Variants in WDR41 observed in about 807,000 individuals in gnomAD.
The protein encoded by WDR41 is WD repeat-containing protein 41.
In WDR41, 63 loss-of-function variants were observed where a neutral mutation model predicts 69.3. That is an observed-to-expected ratio of 0.91 (90% CI 0.74 to 1.12). WDR41 has a LOEUF of 1.12. Ranked by LOEUF, WDR41 falls within the 50% of genes most tolerant of loss-of-function variation. WDR41 has a pLI of 0.00. For synonymous variants in WDR41, 185 were observed against 192.1 expected (o/e 0.96, Z 0.31); for missense variants, 543 against 534.5 (o/e 1.02, Z -0.16).
intron 1 of WDR41, among the ~76,000 whole-genome samples, chr5:77,609,823 T>C (rs992052466): frequency 6.6e-6 from 1 of 151,968 alleles, no homozygotes; most frequent in Non-Finnish European, 1.5e-5. Flanking sequence ...CTTTGACGAG[T>C]TGAGAGAAGA....
intron 1 of WDR41, among the ~76,000 whole-genome samples, chr5:77,537,690 C>T (rs1263276080): frequency 1.3e-5 from 2 of 152,180 alleles, no homozygotes; most frequent in South Asian, 2.1e-4. Flanking sequence ...GTCATTTGAT[C>T]TCTCTAGGAA....
At chr5:77,474,204 A>G (rs897182880) in intron 2 of WDR41, among the ~76,000 whole-genome samples, 36 of 152,046 alleles carry the variant, frequency 2.4e-4, no homozygotes, top group Middle Eastern at 3.4e-3. Flanking sequence ...CAAACACCGC[A>G]TGTTCTCACT....
chr5:77,492,344 C>T, upstream of WDR41: 1 of 1,329,244 alleles, frequency 7.5e-7, no homozygotes, highest in Non-Finnish European at 1.0e-6. Context: ...CGCCCCAGAT[C>T]AGCCCACGGG....
At chr5:77,580,076 A>T (rs1284808375) in intron 1 of WDR41, among the ~76,000 whole-genome samples, 1 of 124,170 alleles carries the variant, frequency 8.1e-6, no homozygotes. Flanking sequence ...TAACATTGAT[A>T]GATAGATAGA....
At chr5:77,469,673 G>A (rs1362063858) in intron 2 of WDR41, among the ~76,000 whole-genome samples, 4 of 152,056 alleles carry the variant, frequency 2.6e-5, no homozygotes, top group African/African-American at 9.7e-5. Flanking sequence ...AAAATGCTAA[G>A]GGTATCAGTG....
intron 1 of WDR41, among the ~76,000 whole-genome samples, chr5:77,516,598 T>G (rs1449487739): frequency 6.6e-6 from 1 of 152,200 alleles, no homozygotes; most frequent in African/African-American, 2.4e-5. Flanking sequence ...GACTTTGGTT[T>G]TTCCATGTAG....
Position 77,438,300 on chromosome 5 carries a change from A to G in WDR41, c.944T>C (p.Ile315Thr), listed in dbSNP as rs777500236. ...GTCATGTGCAGTTTTCTGGCAGGCAATCACACGCTTCATTTGAAGGCTATA... is the reference window on the plus strand; with the variant it reads ...GTCATGTGCAGTTTTCTGGCAGGCAGTCACACGCTTCATTTGAAGGCTATA... ...YVYSLQMKRVIACQKTAHDSN... is the reference protein window; with the variant it reads ...YVYSLQMKRVTACQKTAHDSN... The change falls in exon 10 of 13, where the codon ATT becomes ACT. Residue 315 changes from isoleucine (I) to threonine (T), a missense_variant. Ile to Thr is a moderately conservative substitution (Grantham distance 89). Coordinates refer to ENST00000296679, the MANE Select transcript of WDR41 (RefSeq NM_018268.4). The G allele has an allele frequency of 5.6e-6, 9 of 1,613,978 alleles. No individual in the cohort carries two copies. The Admixed American group carries it at 1.0e-4, about 18-fold the overall frequency.
At chr5:77,533,174 G>A (rs1190584689) in intron 1 of WDR41, among the ~76,000 whole-genome samples, 3 of 152,058 alleles carry the variant, frequency 2.0e-5, no homozygotes, top group Admixed American at 6.6e-5. Flanking sequence ...ACCACCTGGC[G>A]GCCCCACTTC....
chr5:77,460,282 T>C (rs1799995745), intron 4 of WDR41, among the ~76,000 whole-genome samples: 2 of 152,222 alleles, frequency 1.3e-5, no homozygotes. Flanking sequence ...CTATATTCTA[T>C]GTCATGCTTT....
At chr5:77,547,951 C>T (rs1470684584) in intron 1 of WDR41, among the ~76,000 whole-genome samples, 2 of 152,086 alleles carry the variant, frequency 1.3e-5, no homozygotes, top group Non-Finnish European at 2.9e-5. Context: ...ACCAACGGAA[C>T]AGAATAGAGA....
chr5:77,533,336 A>C (rs1014594937), intron 1 of WDR41, among the ~76,000 whole-genome samples: 1 of 152,202 alleles, frequency 6.6e-6, no homozygotes, highest in Non-Finnish European at 1.5e-5. Context: ...TGATACATAC[A>C]TATTAAGGAA....
rs536885160 is a variant in WDR41 at position 77,459,992 on chromosome 5, C to T, written c.349-868G>A. ...AACTTATATGTGCTCAGAACACTTA[C>T]ATAAGCCTATAGTTGGGCAAAAAAA... On this transcript the variant is annotated intron_variant, in intron 4 of 12. Transcript: ENST00000296679. Among the ~76,000 whole-genome samples the T allele has an allele frequency of 3.3e-5, 5 of 152,212 alleles. No homozygotes were observed. In the East Asian group the frequency reaches 9.7e-4, roughly 29 times the overall value.
chr5:77,565,853 G>A (rs1472325540), intron 1 of WDR41, among the ~76,000 whole-genome samples: 1 of 152,062 alleles, frequency 6.6e-6, no homozygotes, highest in Middle Eastern at 3.2e-3. Context: ...ATGAAAAGAA[G>A]AACCAAAAAT....
At chr5:77,464,651 G>A (rs1561745971) in intron 3 of WDR41, 110 bp downstream of exon 3, 2 of 1,072,352 alleles carry the variant, frequency 1.9e-6, no homozygotes, top group African/African-American at 1.6e-5. Flanking sequence ...ATATTAATGT[G>A]TCAATTAACA....
At chr5:77,481,185 T>C (rs1261983146) in intron 2 of WDR41, among the ~76,000 whole-genome samples, 3 of 152,058 alleles carry the variant, frequency 2.0e-5, no homozygotes, top group Non-Finnish European at 2.9e-5. Context: ...GATTTTTGTA[T>C]GTTTAGTAGA....
intron 1 of WDR41, among the ~76,000 whole-genome samples, chr5:77,566,393 C>T (rs1209009031): frequency 2.0e-5 from 3 of 152,090 alleles, no homozygotes; most frequent in Non-Finnish European, 4.4e-5. Context: ...TACTACATAA[C>T]CTTTTAGATA....
At chr5:77,524,205 G>A (rs1475206887) in intron 1 of WDR41, among the ~76,000 whole-genome samples, 5 of 152,054 alleles carry the variant, frequency 3.3e-5, no homozygotes, top group South Asian at 4.2e-4. Context: ...AAATAGAATC[G>A]GTAACTTGCT....
chr5:77,500,189 T>C (rs1324409406), intron 1 of WDR41, among the ~76,000 whole-genome samples: 1 of 152,174 alleles, frequency 6.6e-6, no homozygotes, highest in African/African-American at 2.4e-5. Context: ...GCATGGCAAT[T>C]ATAAACACTC....
Position 77,482,428 on chromosome 5 carries a change from T to G in WDR41, c.167+7029A>C, listed in dbSNP as rs193038411. The stretch of plus-strand genomic sequence containing the variant: ...TGATTTATCTCTAATATCTCTTTTA[T>G]TCTAATGATTTTTTTCTCCATCTGT... On this transcript the variant is annotated intron_variant, in intron 2 of 12. Transcript: ENST00000296679. Among the ~76,000 whole-genome samples, 5 of 152,352 alleles carry G rather than the reference T, an allele frequency of 3.3e-5. No homozygotes were observed. The East Asian group carries it at 9.6e-4, about 29-fold the overall frequency.
Sources: gnomAD v4.1 joint callset for allele counts (sites outside exome capture counted in the v4.1 genomes callset) on GRCh38, gnomAD v4.1.1 for gene constraint, MANE v1.5 for transcripts, NCBI Gene and HGNC (gene_info 2026-07-23, HGNC 2026-07-21) for gene names.